STK32B: variants seen among roughly 807,000 people sequenced by gnomAD.
The protein encoded by STK32B is serine/threonine-protein kinase 32B.
A neutral mutation model predicts 52.6 loss-of-function variants in STK32B; 43 were observed. The ratio of observed to expected loss-of-function variants is 0.82; its 90% CI spans 0.64 to 1.05. STK32B has a LOEUF of 1.05. Ranked by LOEUF, STK32B falls within the 50% of genes least tolerant of loss-of-function variation. The pLI is 0.00. For missense variants in STK32B, 621 were observed against 534.6 expected, an observed-to-expected ratio of 1.16 and a Z score of -1.59; for synonymous variants, 238 against 204.3, an observed-to-expected ratio of 1.17 and a Z score of -1.41.
chr4:5,463,223 G>A (rs758230237), intron 9 of STK32B, among the ~76,000 whole-genome samples: 4 of 152,216 alleles, frequency 2.6e-5, no homozygotes, highest in Admixed American at 6.5e-5. Context: ...TGAGACTGGC[G>A]AAGGCTAAGA....
intron 2 of STK32B, among the ~76,000 whole-genome samples, chr4:5,148,347 A>G (rs1359335625): frequency 6.6e-6 from 1 of 151,810 alleles, no homozygotes; most frequent in East Asian, 1.9e-4. Context: ...CATTGATTTT[A>G]GACATTTTGT....
At chr4:5,358,762 G>A (rs1290595743) in intron 4 of STK32B, among the ~76,000 whole-genome samples, 1 of 152,006 alleles carries the variant, frequency 6.6e-6, no homozygotes, top group African/African-American at 2.4e-5. Flanking sequence ...TTTATATCAT[G>A]TTACAATCCA....
chr4:5,387,473 C>T (rs1736333976), intron 4 of STK32B, among the ~76,000 whole-genome samples: 1 of 152,188 alleles, frequency 6.6e-6, no homozygotes, highest in East Asian at 1.9e-4. Flanking sequence ...CAACCTGGTG[C>T]ACCCAGGGCT....
At chr4:5,153,436 G>A (rs1717536439) in intron 2 of STK32B, among the ~76,000 whole-genome samples, 1 of 151,448 alleles carries the variant, frequency 6.6e-6, no homozygotes, top group Non-Finnish European at 1.5e-5. Flanking sequence ...CCTCAGCATG[G>A]TACCTGGCGT....
At chr4:5,350,766 A>T (rs1321066718) in intron 4 of STK32B, among the ~76,000 whole-genome samples, 1 of 152,170 alleles carries the variant, frequency 6.6e-6, no homozygotes, top group Admixed American at 6.5e-5. Flanking sequence ...GTAAAGACAC[A>T]TATAGACTGA....
intron 4 of STK32B, among the ~76,000 whole-genome samples, chr4:5,332,385 C>G (rs1298225792): frequency 6.6e-6 from 1 of 152,068 alleles, no homozygotes; most frequent in East Asian, 1.9e-4. Context: ...AAGAATTCCC[C>G]AAAAGCTCAG....
intron 3 of STK32B, among the ~76,000 whole-genome samples, chr4:5,234,144 C>A (rs1246471769): frequency 6.6e-6 from 1 of 152,180 alleles, no homozygotes; most frequent in Non-Finnish European, 1.5e-5. Flanking sequence ...AATCATACTT[C>A]AGTAGGAAAT....
intron 4 of STK32B, among the ~76,000 whole-genome samples, chr4:5,364,853 C>T (rs191819676): frequency 6.6e-6 from 1 of 152,010 alleles, no homozygotes; most frequent in Non-Finnish European, 1.5e-5. Flanking sequence ...TTCTAGCAAC[C>T]CTGCCTGGAA....
chr4:5,493,189 G>A (rs909828200), intron 11 of STK32B, among the ~76,000 whole-genome samples: 1 of 151,986 alleles, frequency 6.6e-6, no homozygotes, highest in African/African-American at 2.4e-5. Flanking sequence ...ATAGAATTCG[G>A]CTGTGAATCC....
At chr4:5,240,274 G>A (rs1027705001) in intron 3 of STK32B, among the ~76,000 whole-genome samples, 3 of 151,522 alleles carry the variant, frequency 2.0e-5, no homozygotes, top group African/African-American at 7.3e-5. Context: ...ATGTTTTCCC[G>A]CCAATCTTGA....
At chr4:5,496,543 C>T (rs1210118842) in intron 11 of STK32B, among the ~76,000 whole-genome samples, 1 of 119,866 alleles carries the variant, frequency 8.3e-6, no homozygotes, top group Non-Finnish European at 1.6e-5. Flanking sequence ...GAGGCAATGC[C>T]TTGCCCTGCA....
intron 4 of STK32B, among the ~76,000 whole-genome samples, chr4:5,391,884 G>A (rs1254007851): frequency 1.3e-5 from 2 of 152,130 alleles, no homozygotes; most frequent in Non-Finnish European, 2.9e-5. Context: ...GACCTTAGTT[G>A]TCAGATTTTA....
intron 1 of STK32B, among the ~76,000 whole-genome samples, chr4:5,130,344 CG>C (rs1428156178): frequency 1.3e-5 from 2 of 151,714 alleles, no homozygotes; most frequent in Non-Finnish European, 2.9e-5. Flanking sequence ...AGGAGAGTGA[CG>C]GTGGGGAGGT....
chr4:5,065,957 C>G (rs1377101569), intron 1 of STK32B, among the ~76,000 whole-genome samples: 1 of 152,170 alleles, frequency 6.6e-6, no homozygotes, highest in East Asian at 1.9e-4. Flanking sequence ...CTCCTGGCCT[C>G]AAGTGATCTG....
chr4:5,283,291 TA>T (rs112772609), intron 3 of STK32B, among the ~76,000 whole-genome samples: 3,072 of 149,686 alleles, frequency 0.021, 95 homozygotes, highest in African/African-American at 0.066. Flanking sequence ...CCATTGTTTA[TA>T]TTACCCAGTC....
intron 3 of STK32B, among the ~76,000 whole-genome samples, chr4:5,245,829 T>C (rs1241283707): frequency 6.6e-6 from 1 of 152,228 alleles, no homozygotes; most frequent in Non-Finnish European, 1.5e-5. Context: ...CCTTCACTTA[T>C]GAAGGTTAGT....
At chr4:5,254,031 C>T (rs576545482) in intron 3 of STK32B, among the ~76,000 whole-genome samples, 12 of 152,234 alleles carry the variant, frequency 7.9e-5, no homozygotes, top group Non-Finnish European at 8.8e-5. Context: ...GTGATCCACC[C>T]GCCTCAGCCT....
intron 3 of STK32B, among the ~76,000 whole-genome samples, chr4:5,249,907 C>G (rs775384010): frequency 6.6e-6 from 1 of 152,190 alleles, no homozygotes; most frequent in Admixed American, 6.6e-5. Flanking sequence ...GATCCTCACT[C>G]TCCTCCCACC....
chr4:5,372,729 G>A lies in STK32B; in HGVS notation c.435-25478G>A, dbSNP rs537201991. On this transcript the variant is annotated intron_variant, in intron 4 of 11. Transcript: ENST00000282908. ...CTCAGCAGGAGAAAGTTGGGGGGGG[G>A]GGCGGTTATTTCAGACTAATAGGTC... Among the ~76,000 whole-genome samples the A allele has an allele frequency of 3.4e-4, 51 of 149,746 alleles. 1 individual carries two copies. The highest frequency in any genetic ancestry group is 3.2e-3 in the East Asian group (16 of 4,988).
Sources: allele counts gnomAD v4.1 joint callset (sites outside exome capture counted in the v4.1 genomes callset), GRCh38; gene constraint gnomAD v4.1.1; transcripts MANE v1.5; gene names NCBI Gene and HGNC (gene_info 2026-07-23, HGNC 2026-07-21).